The following ARHGAP6 variants were observed in gnomAD, a reference collection of about 807,000 sequenced individuals.
ARHGAP6 encodes the protein rho GTPase-activating protein 6.
In ARHGAP6, 16 loss-of-function variants were observed where a neutral mutation model predicts 55.7. The observed-to-expected ratio is 0.29, with a 90% CI of 0.19 to 0.44. ARHGAP6 has a LOEUF of 0.44. Ranked by LOEUF, ARHGAP6 falls within the 20% of genes least tolerant of loss-of-function variation. The pLI is 1.00. For synonymous variants in ARHGAP6, 382 were observed against 360.9 expected (o/e 1.06, Z -0.66); for missense variants, 698 against 808.9 (o/e 0.86, Z 1.66).
rs182573512 is a variant in ARHGAP6 at position 11,506,415 on chromosome X, G to A, written c.588+157826C>T. On this transcript the variant is annotated intron_variant, in intron 1 of 12. Coordinates refer to ENST00000337414, the MANE Select transcript of ARHGAP6 (RefSeq NM_013427.3). ...AGCCCCCCACCCCACGACAGGCCCCGGTATGTGATGTTCCCCTCCCTTTGT... is the reference window on the plus strand; with the variant it reads ...AGCCCCCCACCCCACGACAGGCCCCAGTATGTGATGTTCCCCTCCCTTTGT... 4.7e-3 allele frequency among the ~76,000 whole-genome samples: 484 copies of A among 103,126 alleles called. 4 individuals carry two copies. Among genetic ancestry groups the A allele is most frequent in the African/African-American group, 0.017 (464 of 27,525 alleles). The allele number at this position is 103,126 out of a possible 115,157, so 89.6% of individuals were successfully genotyped here.
chrX:11,524,116 A>G (rs1044663610), intron 1 of ARHGAP6, among the ~76,000 whole-genome samples: 2 of 112,022 alleles, frequency 1.8e-5, no homozygotes, highest in Non-Finnish European at 3.8e-5. Flanking sequence ...TATTATTATA[A>G]TAAAAGAAGT....
chrX:11,260,256 T>C (rs142525910), intron 1 of ARHGAP6, among the ~76,000 whole-genome samples: 179 of 111,672 alleles, frequency 1.6e-3, no homozygotes, highest in African/African-American at 4.0e-3. Flanking sequence ...ATGAGACTTA[T>C]GTAAGTTTGT....
intron 1 of ARHGAP6, 86 bp from the exon 2 acceptor site, chrX:11,254,793 A>G: frequency 1.0e-6 from 1 of 1,000,415 alleles, no homozygotes; most frequent in Non-Finnish European, 1.3e-6. Flanking sequence ...TCTTAGTAAT[A>G]AAGTCAAGCA....
chrX:11,620,231 G>A (rs2052212133), intron 1 of ARHGAP6, among the ~76,000 whole-genome samples: 1 of 111,754 alleles, frequency 8.9e-6, no homozygotes, highest in Non-Finnish European at 1.9e-5. Flanking sequence ...CAGGGCATAA[G>A]GTAATAAGGC....
At chrX:11,431,641 A>G (rs1292309907) in intron 1 of ARHGAP6, among the ~76,000 whole-genome samples, 3 of 111,984 alleles carry the variant, frequency 2.7e-5, no homozygotes, top group Admixed American at 9.4e-5. Flanking sequence ...CCCCAAACCC[A>G]GTGCCCACAC....
At chrX:11,161,515 T>A (rs983028775) in intron 9 of ARHGAP6, among the ~76,000 whole-genome samples, 3 of 111,336 alleles carry the variant, frequency 2.7e-5, no homozygotes, top group Non-Finnish European at 3.8e-5. Context: ...TCACCTTCTT[T>A]AGGATTCTGT....
intron 2 of ARHGAP6, among the ~76,000 whole-genome samples, chrX:11,250,268 C>T (rs1025070667): frequency 6.2e-5 from 7 of 112,211 alleles, no homozygotes; most frequent in African/African-American, 2.3e-4. Flanking sequence ...TTTGGAATCA[C>T]ATTCAGCTTA....
At chrX:11,199,693 C>A (rs1458324681) in intron 2 of ARHGAP6, among the ~76,000 whole-genome samples, 3 of 112,366 alleles carry the variant, frequency 2.7e-5, no homozygotes, top group African/African-American at 9.7e-5. Flanking sequence ...ATCTTGAAGT[C>A]TCCTTACAGG....
intron 1 of ARHGAP6, among the ~76,000 whole-genome samples, chrX:11,478,332 G>A (rs1173033175): frequency 8.9e-6 from 1 of 112,263 alleles, no homozygotes; most frequent in Non-Finnish European, 1.9e-5. Flanking sequence ...ATTGTGGTGT[G>A]TTCATACAAT....
chrX:11,233,708 A>C (rs747090207), intron 2 of ARHGAP6, among the ~76,000 whole-genome samples: 2 of 112,319 alleles, frequency 1.8e-5, no homozygotes, highest in East Asian at 5.6e-4. Flanking sequence ...CTGGCTTTTA[A>C]AATCATATTT....
Position 11,152,495 on chromosome X carries a change from C to T in ARHGAP6, c.1907+4034G>A, listed in dbSNP as rs1175468527. Among the ~76,000 whole-genome samples the T allele has an allele frequency of 4.5e-5, 5 of 111,869 alleles. No homozygotes were observed. The East Asian group carries it at 1.4e-3, about 31-fold the overall frequency. On this transcript the variant is annotated intron_variant, in intron 10 of 12. Transcript: ENST00000337414. The stretch of plus-strand genomic sequence containing the variant: ...TTCTACCTTCACTGCTGGCCAGCCT[C>T]TTTATTGTGACCCCAGCTAGCCAAC...
intron 1 of ARHGAP6, among the ~76,000 whole-genome samples, chrX:11,417,517 T>A (rs766740064): frequency 1.8e-5 from 2 of 110,776 alleles, no homozygotes; most frequent in African/African-American, 6.6e-5. Context: ...AAAATGAGAA[T>A]CTGTAGTCTA....
chrX:11,231,573 A>T (rs1339061235), intron 2 of ARHGAP6, among the ~76,000 whole-genome samples: 1 of 112,450 alleles, frequency 8.9e-6, no homozygotes, highest in Non-Finnish European at 1.9e-5. Context: ...TTAAAATTTC[A>T]TCTTGGAGTC....
At chrX:11,206,000 G>A (rs776957301) in intron 2 of ARHGAP6, among the ~76,000 whole-genome samples, 3 of 111,814 alleles carry the variant, frequency 2.7e-5, no homozygotes, top group Admixed American at 9.6e-5. Flanking sequence ...AATGAATGAC[G>A]TCACATGCTT....
chrX:11,357,514 T>A (rs1379156747), intron 1 of ARHGAP6, among the ~76,000 whole-genome samples: 1 of 111,862 alleles, frequency 8.9e-6, no homozygotes, highest in East Asian at 2.8e-4. Context: ...ATTTGGCTCA[T>A]GGCTTTATTG....
At chrX:11,390,906 T>C (rs1251660712) in intron 1 of ARHGAP6, among the ~76,000 whole-genome samples, 3 of 112,052 alleles carry the variant, frequency 2.7e-5, no homozygotes, top group Non-Finnish European at 5.6e-5. Context: ...GACAGTGTGG[T>C]GATTCCTCAG....
At position 11,377,072 on chromosome X, in the gene ARHGAP6, G is replaced by A. The variant is rs78841036; in HGVS notation, c.589-122365C>T. On this transcript the variant is annotated intron_variant, in intron 1 of 12. Coordinates refer to ENST00000337414, the MANE Select transcript of ARHGAP6 (RefSeq NM_013427.3). The stretch of plus-strand genomic sequence containing the variant: ...GCCTGCAGAGCAAAATTCTTCCAGT[G>A]TGAGTCCCATACCTCATGCTTCAAC... 1.4e-3 allele frequency among the ~76,000 whole-genome samples: 155 copies of A among 112,042 alleles called. 5 individuals carry two copies. In the East Asian group the frequency reaches 0.04, roughly 29 times the overall value.
chrX:11,504,341 C>G (rs1197772846), intron 1 of ARHGAP6, among the ~76,000 whole-genome samples: 1 of 111,354 alleles, frequency 9.0e-6, no homozygotes, highest in African/African-American at 3.3e-5. Context: ...TTGTTGTTGT[C>G]AGGCTGTGCT....
At chrX:11,141,541 G>A (rs5979375) in intron 12 of ARHGAP6, among the ~76,000 whole-genome samples, 28,552 of 111,583 alleles carry the variant, frequency 0.26, 2,973 homozygotes, top group African/African-American at 0.38. Context: ...AATACTGGTA[G>A]GAAAGAAATG....
Sources: allele counts gnomAD v4.1 joint callset (sites outside exome capture counted in the v4.1 genomes callset), GRCh38; gene constraint gnomAD v4.1.1; transcripts MANE v1.5; gene names NCBI Gene and HGNC (gene_info 2026-07-23, HGNC 2026-07-21).